The following DMD variants were observed in gnomAD, a reference collection of about 807,000 sequenced individuals.
DMD encodes the protein dystrophin, also known as mutant dystrophin.
A neutral mutation model predicts 330.1 loss-of-function variants in DMD; 63 were observed. The ratio of observed to expected loss-of-function variants is 0.19; its 90% CI spans 0.16 to 0.24. The LOEUF is 0.24. Ranked by LOEUF, DMD falls within the 10% of genes least tolerant of loss-of-function variation. The pLI is 1.00. For synonymous variants in DMD, 1,223 were observed against 959.8 expected, an observed-to-expected ratio of 1.27 and a Z score of -5.07; for missense variants, 3,344 against 2,684.1, an observed-to-expected ratio of 1.25 and a Z score of -5.43.
chrX:32,887,963 G>A (rs896346960), intron 2 of DMD, among the ~76,000 whole-genome samples: 1 of 108,855 alleles, frequency 9.2e-6, no homozygotes, highest in African/African-American at 3.3e-5. Flanking sequence ...TCCATGAGTT[G>A]TCCCTTCACT....
At chrX:32,832,899 T>G in intron 4 of DMD, among the ~76,000 whole-genome samples, 1 of 111,385 alleles carries the variant, frequency 9.0e-6, no homozygotes, top group Admixed American at 9.6e-5. Flanking sequence ...CTTCCTTATC[T>G]CCGTATTTCA....
intron 60 of DMD, among the ~76,000 whole-genome samples, chrX:31,401,456 G>A (rs2061188251): frequency 8.9e-6 from 1 of 112,242 alleles, no homozygotes; most frequent in Non-Finnish European, 1.9e-5. Context: ...GCAACAATGA[G>A]TAGACGTAAC....
intron 16 of DMD, among the ~76,000 whole-genome samples, chrX:32,545,944 C>T (rs2048927212): frequency 9.2e-6 from 1 of 109,088 alleles, no homozygotes; most frequent in African/African-American, 3.3e-5. Context: ...TATTCAAATG[C>T]TAAAAAACAC....
At chrX:31,639,900 C>T (rs186687839) in intron 54 of DMD, among the ~76,000 whole-genome samples, 2 of 110,491 alleles carry the variant, frequency 1.8e-5, no homozygotes, top group East Asian at 2.8e-4. Flanking sequence ...TGAAAACCAC[C>T]GATACAGAGC....
chrX:32,512,924 G>A (rs978085949), intron 18 of DMD, among the ~76,000 whole-genome samples: 2 of 111,532 alleles, frequency 1.8e-5, no homozygotes, highest in Non-Finnish European at 3.8e-5. Flanking sequence ...ATTCTATGTT[G>A]AGTGTCCTAA....
chrX:32,886,233 TG>T (rs1405104392), intron 2 of DMD, among the ~76,000 whole-genome samples: 2 of 110,195 alleles, frequency 1.8e-5, no homozygotes, highest in Non-Finnish European at 3.8e-5. Context: ...TTATACCAAG[TG>T]GTTTATAAAA....
rs1450272549 is a variant in DMD at position 31,147,543 on chromosome X, AGAAAAAAAAAG to A, written c.10554-36_10554-26del. Reference sequence around the variant, plus strand: ...CCTATTGGCATCAAAAAAGTAAAAAAGAAAAAAAAAGAAAGAAAAAGAAAAAGAAGAAAAAA... The same window carrying A: ...CCTATTGGCATCAAAAAAGTAAAAAAAAAGAAAAAGAAAAAGAAGAAAAAA... On this transcript the variant is annotated intron_variant, in intron 74 of 78. Coordinates refer to ENST00000357033, the MANE Select transcript of DMD (RefSeq NM_004006.3). 5 of 980,984 alleles carry A rather than the reference AGAAAAAAAAAG, an allele frequency of 5.1e-6. No individual in the cohort carries two copies. The Admixed American group carries it at 1.8e-4, about 35-fold the overall frequency. 80.8% of individuals were successfully genotyped at this position (980,984 alleles called of 1,213,427 possible). A position where few individuals can be genotyped will look rare whatever the true frequency, so the allele number is the denominator to read the frequency against.
At chrX:32,090,319 A>G (rs2096466332) in intron 44 of DMD, among the ~76,000 whole-genome samples, 1 of 111,946 alleles carries the variant, frequency 8.9e-6, no homozygotes, top group South Asian at 3.7e-4. Context: ...AAATTTAACT[A>G]TCTAAGGAAA....
At chrX:32,863,532 G>A (rs866431474) in intron 2 of DMD, among the ~76,000 whole-genome samples, 2 of 36,335 alleles carry the variant, frequency 5.5e-5, no homozygotes, top group Non-Finnish European at 7.9e-5. Context: ...AAAAGATTGT[G>A]TTTATACACA....
chrX:33,196,647 A>G (rs1031530542), intron 1 of DMD, among the ~76,000 whole-genome samples: 1 of 112,193 alleles, frequency 8.9e-6, no homozygotes, highest in South Asian at 3.7e-4. Flanking sequence ...AGTTAAAATA[A>G]TACAAAGAAA....
intron 4 of DMD, among the ~76,000 whole-genome samples, chrX:32,844,465 G>A (rs192251104): frequency 9.1e-6 from 1 of 109,637 alleles, no homozygotes; most frequent in East Asian, 2.9e-4. Context: ...GAAAAGCAAA[G>A]TAAGAAAAGA....
intron 2 of DMD, among the ~76,000 whole-genome samples, chrX:32,991,468 C>A (rs2092973260): frequency 8.9e-6 from 1 of 111,773 alleles, no homozygotes; most frequent in South Asian, 3.7e-4. Flanking sequence ...AACACGATGG[C>A]CACTAAAACC....
chrX:32,748,067 G>T (rs1283121367), intron 7 of DMD, among the ~76,000 whole-genome samples: 1 of 111,112 alleles, frequency 9.0e-6, no homozygotes, highest in African/African-American at 3.3e-5. Context: ...TGTAGGCCAG[G>T]TGTGGTGGCT....
intron 55 of DMD, among the ~76,000 whole-genome samples, chrX:31,601,153 G>A (rs763538358): frequency 1.8e-4 from 20 of 112,087 alleles, no homozygotes; most frequent in African/African-American, 5.8e-4. Flanking sequence ...GTGCCATACC[G>A]ATGTTGATTG....
chrX:32,662,283 C>T (rs1010562818), intron 9 of DMD, among the ~76,000 whole-genome samples: 4 of 111,253 alleles, frequency 3.6e-5, no homozygotes, highest in Admixed American at 2.9e-4. Context: ...TATGAAAGTA[C>T]GGCAGCTCTT....
At chrX:32,139,826 G>A (rs2096743935) in intron 44 of DMD, among the ~76,000 whole-genome samples, 1 of 112,329 alleles carries the variant, frequency 8.9e-6, no homozygotes, top group East Asian at 2.8e-4. Flanking sequence ...AAACTTTATA[G>A]AAATTTTGCC....
At chrX:32,525,329 G>T (rs1037143794) in intron 17 of DMD, among the ~76,000 whole-genome samples, 1 of 111,317 alleles carries the variant, frequency 9.0e-6, no homozygotes, top group Admixed American at 9.6e-5. Flanking sequence ...TACTAGCATT[G>T]TTTTCTCTCC....
chrX:32,438,869 AAGAGAGAGC>A (rs907207138), intron 28 of DMD, among the ~76,000 whole-genome samples: 2 of 111,649 alleles, frequency 1.8e-5, no homozygotes, highest in African/African-American at 6.5e-5. Flanking sequence ...CATGCTCAGG[AAGAGAGAGC>A]AGAGAGTGCC....
chrX:32,251,662 C>CAA (rs1166178670), intron 43 of DMD, among the ~76,000 whole-genome samples: 2 of 111,634 alleles, frequency 1.8e-5, no homozygotes, highest in Admixed American at 9.5e-5. Flanking sequence ...TTGTTTTCAG[C>CAA]AAAAACAATG....
Sources: allele counts gnomAD v4.1 joint callset (sites outside exome capture counted in the v4.1 genomes callset), GRCh38; gene constraint gnomAD v4.1.1; transcripts MANE v1.5; gene names NCBI Gene and HGNC (gene_info 2026-07-23, HGNC 2026-07-21).